DIP2C: variants seen among roughly 807,000 people sequenced by gnomAD.
DIP2C encodes the protein DIP2 acetate--CoA ligase C (putative).
A neutral mutation model predicts 192.4 loss-of-function variants in DIP2C; 33 were observed. That is an observed-to-expected ratio of 0.17 (90% confidence interval 0.13 to 0.23). The LOEUF is 0.23. Ranked by LOEUF, DIP2C falls within the 10% of genes least tolerant of loss-of-function variation. The pLI, the probability that DIP2C is intolerant of heterozygous loss-of-function variation, is 1.00. For synonymous variants in DIP2C, 979 were observed against 864.1 expected (o/e 1.13, Z -2.33); for missense variants, 1,537 against 2,110.1 (o/e 0.73, Z 5.32).
intron 25 of DIP2C, 108 bp from the exon 26 acceptor site, chr10:348,870 C>A: frequency 6.7e-7 from 1 of 1,494,744 alleles, no homozygotes. Flanking sequence ...GGGAAACGAG[C>A]AGCTGAGCTT....
At chr10:476,759 GT>G (rs1280241836) in intron 2 of DIP2C, among the ~76,000 whole-genome samples, 1 of 152,182 alleles carries the variant, frequency 6.6e-6, no homozygotes, top group Non-Finnish European at 1.5e-5. Flanking sequence ...AATCTGGCTT[GT>G]TTTGAAAACA....
chr10:628,832 T>C (rs1026072283), intron 1 of DIP2C: 2 of 152,278 alleles, frequency 1.3e-5, no homozygotes, highest in Admixed American at 6.5e-5. Flanking sequence ...GCTGGGGGAC[T>C]ATCCTGGACC....
Position 429,178 on chromosome 10 carries a change from C to A in DIP2C, c.395-6145G>T, listed in dbSNP as rs190722837. On this transcript the variant is annotated intron_variant, in intron 4 of 36. Transcript: ENST00000280886. The stretch of plus-strand genomic sequence containing the variant: ...CAGAGATCACATGCTACTAAAAAAT[C>A]CTCCTGCTTTGCCTATTCATCCCTG... Among the ~76,000 whole-genome samples the A allele has an allele frequency of 2.0e-5, 3 of 152,054 alleles. No individual in the cohort carries two copies. In the East Asian group the frequency reaches 5.8e-4, roughly 29 times the overall value.
intron 3 of DIP2C, among the ~76,000 whole-genome samples, chr10:461,511 T>C (rs1376974645): frequency 6.6e-6 from 1 of 152,110 alleles, no homozygotes; most frequent in African/African-American, 2.4e-5. Context: ...ACATACCCAA[T>C]ACAGGAGCAC....
At chr10:640,822 C>A (rs1219514711) in intron 1 of DIP2C, among the ~76,000 whole-genome samples, 1 of 151,916 alleles carries the variant, frequency 6.6e-6, no homozygotes, top group Non-Finnish European at 1.5e-5. Flanking sequence ...GCAGCAAGGC[C>A]GGTCAAGGCT....
At chr10:615,626 C>CA (rs1352931970) in intron 1 of DIP2C, among the ~76,000 whole-genome samples, 3 of 141,798 alleles carry the variant, frequency 2.1e-5, no homozygotes, top group African/African-American at 9.4e-5. Context: ...CACACACACA[C>CA]CCGCCCCACA....
In DIP2C at chr10:532,738, TGA is replaced by T. The variant is rs75061527; in HGVS notation, c.86-46210_86-46209del. 1.5e-3 allele frequency among the ~76,000 whole-genome samples: 130 copies of T among 86,628 alleles called. 13 individuals are homozygous for T. The highest frequency in any genetic ancestry group is 3.4e-3 in the Admixed American group (26 of 7,654). The allele number at this position is 86,628 out of a possible 152,430, so 56.8% of individuals were successfully genotyped here. A position where few individuals can be genotyped will look rare whatever the true frequency, so the allele number is the denominator to read the frequency against. ...ATGGGTGTGAGAGAGAGTATGGGTG[TGA>T]GAGAGAGTATGGGTGTGTGAGAGAG... On this transcript the variant is annotated intron_variant, in intron 1 of 36. Coordinates refer to ENST00000280886, the MANE Select transcript of DIP2C (RefSeq NM_014974.3).
At chr10:405,044 A>T (rs1964703219) in intron 9 of DIP2C, among the ~76,000 whole-genome samples, 1 of 152,238 alleles carries the variant, frequency 6.6e-6, no homozygotes, top group Non-Finnish European at 1.5e-5. Flanking sequence ...GAAAATTCAG[A>T]TGTTGAAGTT....
chr10:496,561 C>T (rs1226586642), intron 1 of DIP2C, among the ~76,000 whole-genome samples: 1 of 148,580 alleles, frequency 6.7e-6, no homozygotes, highest in Non-Finnish European at 1.5e-5. Context: ...GTGCTGAGTA[C>T]ACACAACACA....
At chr10:559,409 CTT>C (rs1341631793) in intron 1 of DIP2C, among the ~76,000 whole-genome samples, 6 of 152,024 alleles carry the variant, frequency 3.9e-5, no homozygotes, top group Non-Finnish European at 8.8e-5. Context: ...CCACAGGGGT[CTT>C]TTGTTGTTTT....
chr10:486,096 C>T (rs149733965), intron 2 of DIP2C, among the ~76,000 whole-genome samples: 2,931 of 152,338 alleles, frequency 0.019, 59 homozygotes, highest in South Asian at 0.046. Flanking sequence ...GCCTGTGCCA[C>T]CAACAGAAGC....
chr10:659,757 G>A (rs1441301749), intron 1 of DIP2C, among the ~76,000 whole-genome samples: 7 of 152,230 alleles, frequency 4.6e-5, no homozygotes, highest in Non-Finnish European at 2.9e-5. Flanking sequence ...TGTGTGATAC[G>A]ATGCCACTTA....
rs776138309 is a variant in DIP2C at position 384,655 on chromosome 10, G to A, written c.1663-16C>T. The stretch of plus-strand genomic sequence containing the variant: ...TCATGACGCTCTGCAATCAACAAAG[G>A]AACACGCAGGGTGAGCATGGAGGGG... On this transcript the variant is annotated splice_polypyrimidine_tract_variant and intron_variant, in intron 14 of 36. Transcript: ENST00000280886. 1 of 1,613,212 alleles carries A rather than the reference G, an allele frequency of 6.2e-7. No homozygotes were observed. The highest frequency in any genetic ancestry group is 1.1e-5 in the South Asian group (1 of 91,058).
rs1831090516 is a variant in DIP2C at position 680,457 on chromosome 10, T to G, written c.85+9037A>C. Among the ~76,000 whole-genome samples the G allele has an allele frequency of 2.0e-5, 3 of 152,192 alleles. No individual in the cohort carries two copies. The South Asian group carries it at 6.2e-4, about 32-fold the overall frequency. On this transcript the variant is annotated intron_variant, in intron 1 of 36. Coordinates refer to ENST00000280886, the MANE Select transcript of DIP2C (RefSeq NM_014974.3). ...GCTACACTGTCCGCACTGGGTAATT[T>G]TAATCCTGACACAGCTAACCGTGTG...
intron 32 of DIP2C, among the ~76,000 whole-genome samples, chr10:308,843 G>A (rs1956447952): frequency 6.6e-6 from 1 of 152,218 alleles, no homozygotes; most frequent in African/African-American, 2.4e-5. Flanking sequence ...CCGTCAGGGC[G>A]GGCGTGGCTC....
chr10:434,067 A>T (rs892558709), intron 4 of DIP2C, among the ~76,000 whole-genome samples: 1 of 152,198 alleles, frequency 6.6e-6, no homozygotes, highest in Non-Finnish European at 1.5e-5. Flanking sequence ...GGATAATGCA[A>T]GCACACTATA....
chr10:410,004 G>A (rs896629597), intron 8 of DIP2C, among the ~76,000 whole-genome samples: 3 of 152,178 alleles, frequency 2.0e-5, no homozygotes, highest in African/African-American at 4.8e-5. Flanking sequence ...TATCTTAACT[G>A]TTTTCTATTT....
At position 288,437 on chromosome 10, in the gene DIP2C, G is replaced by A. The variant is rs376150804; in HGVS notation, c.3987-16C>T. 5.0e-5 allele frequency: 81 copies of A among 1,613,572 alleles called. No homozygotes were observed. Among genetic ancestry groups the A allele is most frequent in the Admixed American group, 6.7e-5 (4 of 59,956 alleles). On this transcript the variant is annotated splice_polypyrimidine_tract_variant and intron_variant, in intron 32 of 36. Coordinates refer to ENST00000280886, the MANE Select transcript of DIP2C (RefSeq NM_014974.3). Reference sequence around the variant, plus strand: ...TAAGCGGACTCTGCAAACAGAAAGAGAAAATATTCCTAGATGTGTTTGCTG... The same window carrying A: ...TAAGCGGACTCTGCAAACAGAAAGAAAAAATATTCCTAGATGTGTTTGCTG...
intron 17 of DIP2C, among the ~76,000 whole-genome samples, chr10:378,639 G>A (rs552737035): frequency 3.0e-5 from 4 of 131,674 alleles, no homozygotes; most frequent in Middle Eastern, 4.1e-3. Flanking sequence ...ACACAGACAT[G>A]CATAAAGACA....
Sources: allele counts gnomAD v4.1 joint callset (sites outside exome capture counted in the v4.1 genomes callset), GRCh38; gene constraint gnomAD v4.1.1; transcripts MANE v1.5; gene names NCBI Gene and HGNC (gene_info 2026-07-23, HGNC 2026-07-21).